KCNQ1OT1: variants seen among roughly 807,000 people sequenced by gnomAD.
KCNQ1OT1 encodes KCNQ1 opposite strand/antisense transcript 1.
chr11:2,661,944 C>A lies in KCNQ1OT1; in HGVS notation n.38051G>T. The A allele has an allele frequency of 3.7e-6, 6 of 1,614,142 alleles. No homozygotes were observed. The highest frequency in any genetic ancestry group is 4.2e-6 in the Non-Finnish European group (5 of 1,180,032). ...GGGTGGGAGGCCTAACGTGCTGTCCCCACACTTTCTCCTCAGTAAGGAAGA... is the reference window on the plus strand; with the variant it reads ...GGGTGGGAGGCCTAACGTGCTGTCCACACACTTTCTCCTCAGTAAGGAAGA... On this transcript the variant is annotated non_coding_transcript_exon_variant, in exon 1 of 1. Transcript: ENST00000597346. This position sits in a 1 kb window ranked among gnomAD's most constrained non-coding sequence, Gnocchi z 5.9.
At chr11:2,639,350 C>T (rs7936778) in exon 1 of KCNQ1OT1, 104,516 of 152,044 alleles carry the variant, frequency 0.69, 36,628 homozygotes, top group East Asian at 0.86. Context: ...GTTTTATCTA[C>T]CTTTGGTCTT....
At chr11:2,635,463 G>C (rs956320813) in exon 1 of KCNQ1OT1, 1 of 152,122 alleles carries the variant, frequency 6.6e-6, no homozygotes, top group African/African-American at 2.4e-5. Flanking sequence ...TCTTGTTTCT[G>C]TCAGCTTTGT....
chr11:2,698,657 A>G lies in KCNQ1OT1; in HGVS notation n.1338T>C, dbSNP rs968461950. The G allele has an allele frequency of 5.0e-6, 2 of 398,202 alleles. No individual in the cohort carries two copies. Among genetic ancestry groups the G allele is most frequent in the Non-Finnish European group, 8.8e-6 (2 of 226,030 alleles). The allele number at this position is 398,202 out of a possible 1,614,324, so 24.7% of individuals were successfully genotyped here. On this transcript the variant is annotated non_coding_transcript_exon_variant, in exon 1 of 1. Transcript: ENST00000597346. The surrounding 1 kb of genome is among the most constrained non-coding windows in gnomAD (Gnocchi z 5.1). ...CCTCTAACCCCAATCCCAATCTCTT[A>G]ACTCAGAGCCCCCCATTCAGAACCT... is the stretch of plus-strand genomic sequence containing the variant.
At chr11:2,650,738 G>A in exon 1 of KCNQ1OT1, 1 of 398,612 alleles carries the variant, frequency 2.5e-6, no homozygotes, top group East Asian at 3.6e-5. Flanking sequence ...ATTGGAATTT[G>A]GCTCACTTTG....
chr11:2,665,594 C>G (rs993409294), exon 1 of KCNQ1OT1: 7 of 396,680 alleles, frequency 1.8e-5, no homozygotes, highest in South Asian at 2.6e-4. Context: ...GCTCAGTAAA[C>G]CCCCCAGGAC....
exon 1 of KCNQ1OT1, chr11:2,618,309 A>G (rs1202236334): frequency 5.0e-6 from 2 of 398,276 alleles, no homozygotes; most frequent in Non-Finnish European, 8.8e-6. Context: ...CTGATGGGCT[A>G]AAAAAATGCA....
chr11:2,611,012 TTGTC>T lies in KCNQ1OT1; in HGVS notation n.88979_88982del, dbSNP rs1204824494. 3 of 398,370 alleles carry T rather than the reference TTGTC, an allele frequency of 7.5e-6. No individual in the cohort carries two copies. The highest frequency in any genetic ancestry group is 6.2e-5 in the African/African-American group (3 of 48,610). 24.7% of individuals were successfully genotyped at this position (398,370 alleles called of 1,614,324 possible). A position where few individuals can be genotyped will look rare whatever the true frequency, so the allele number is the denominator to read the frequency against. On this transcript the variant is annotated non_coding_transcript_exon_variant, in exon 1 of 1. Coordinates refer to ENST00000597346, the Ensembl canonical transcript of KCNQ1OT1. The surrounding 1 kb of genome is among the most constrained non-coding windows in gnomAD (Gnocchi z 5.3). ...TGTTGAGTTGTCTATTATTGTTCAGTTGTCTGTTTCTCTCTTCATTTCTGACAGT... is the reference window on the plus strand; with the variant it reads ...TGTTGAGTTGTCTATTATTGTTCAGTTGTTTCTCTCTTCATTTCTGACAGT...
chr11:2,611,436 T>C lies in KCNQ1OT1; in HGVS notation n.88559A>G, dbSNP rs1489933214. 1 of 397,798 alleles carries C rather than the reference T, an allele frequency of 2.5e-6. No homozygotes were observed. Among genetic ancestry groups the C allele is most frequent in the Non-Finnish European group, 4.4e-6 (1 of 226,078 alleles). The allele number at this position is 397,798 out of a possible 1,614,324, so 24.6% of individuals were successfully genotyped here. A position where few individuals can be genotyped will look rare whatever the true frequency, so the allele number is the denominator to read the frequency against. On this transcript the variant is annotated non_coding_transcript_exon_variant, in exon 1 of 1. Coordinates refer to ENST00000597346, the Ensembl canonical transcript of KCNQ1OT1. The surrounding 1 kb of genome is among the most constrained non-coding windows in gnomAD (Gnocchi z 5.3). ...CATGTTGACCAGGCTGGTCTTGAACTCCTGACCTCGAGTGATCTGTCTGCC... is the reference window on the plus strand; with the variant it reads ...CATGTTGACCAGGCTGGTCTTGAACCCCTGACCTCGAGTGATCTGTCTGCC...
exon 1 of KCNQ1OT1, chr11:2,609,152 G>A: frequency 2.5e-6 from 1 of 398,108 alleles, no homozygotes; most frequent in East Asian, 3.6e-5. Flanking sequence ...TTTTGATATA[G>A]GCATTCATAG....
At chr11:2,629,905 GTATT>G in exon 1 of KCNQ1OT1, 2 of 398,280 alleles carry the variant, frequency 5.0e-6, no homozygotes, top group Non-Finnish European at 8.9e-6. Flanking sequence ...TGATTTGAGT[GTATT>G]TATTTATTTT....
At chr11:2,619,189 T>G in exon 1 of KCNQ1OT1, 1 of 398,360 alleles carries the variant, frequency 2.5e-6, no homozygotes, top group East Asian at 3.6e-5. Flanking sequence ...TCTGTTTGGT[T>G]GTACTAGTAC....
At chr11:2,640,399 C>G (rs553497284) in exon 1 of KCNQ1OT1, 4 of 398,664 alleles carry the variant, frequency 1.0e-5, no homozygotes, top group Admixed American at 8.8e-5. Flanking sequence ...CATTCTCCAT[C>G]CTTGACCCCT....
Position 2,612,685 on chromosome 11 carries a change from A to G in KCNQ1OT1, n.87310T>C. 1 of 398,562 alleles carries G rather than the reference A, an allele frequency of 2.5e-6. No individual in the cohort carries two copies. The highest frequency in any genetic ancestry group is 4.4e-6 in the Non-Finnish European group (1 of 226,052). The allele number at this position is 398,562 out of a possible 1,614,324, so 24.7% of individuals were successfully genotyped here. A position where few individuals can be genotyped will look rare whatever the true frequency, so the allele number is the denominator to read the frequency against. On this transcript the variant is annotated non_coding_transcript_exon_variant, in exon 1 of 1. Transcript: ENST00000597346. This position sits in a 1 kb window ranked among gnomAD's most constrained non-coding sequence, Gnocchi z 5.5. ...TGTGGTTTCTTTTGGTTCTTTGAAC[A>G]TAGTTATAATACTTACTTTGAAATC...
At position 2,668,431 on chromosome 11, in the gene KCNQ1OT1, C is replaced by A. The variant is rs1027937975; in HGVS notation, n.31564G>T. The A allele has an allele frequency of 3.3e-5, 13 of 398,520 alleles. No individual in the cohort carries two copies. The highest frequency in any genetic ancestry group is 2.7e-4 in the African/African-American group (13 of 48,640). The allele number at this position is 398,520 out of a possible 1,614,324, so 24.7% of individuals were successfully genotyped here. ...AATTTTCATTCCCACAGGCAGCATT[C>A]TGGCTGCTCCACATCCTAACACTTG... On this transcript the variant is annotated non_coding_transcript_exon_variant, in exon 1 of 1. Coordinates refer to ENST00000597346, the Ensembl canonical transcript of KCNQ1OT1. This position sits in a 1 kb window ranked among gnomAD's most constrained non-coding sequence, Gnocchi z 4.3.
At chr11:2,684,955 A>G in exon 1 of KCNQ1OT1, 1 of 398,674 alleles carries the variant, frequency 2.5e-6, no homozygotes, top group Non-Finnish European at 4.4e-6. Flanking sequence ...TGTACCTGGT[A>G]AGGAGTGAAA....
rs543612828 is a variant in KCNQ1OT1 at position 2,652,056 on chromosome 11, G to A, written n.47939C>T. On this transcript the variant is annotated non_coding_transcript_exon_variant, in exon 1 of 1. Coordinates refer to ENST00000597346, the Ensembl canonical transcript of KCNQ1OT1. The surrounding 1 kb of genome is among the most constrained non-coding windows in gnomAD (Gnocchi z 5.9). ...TCTGGGGTGGCTCTGACTGTGTCCAGGCTCCAATTTGAGAAGCTATGGGGA... is the reference window on the plus strand; with the variant it reads ...TCTGGGGTGGCTCTGACTGTGTCCAAGCTCCAATTTGAGAAGCTATGGGGA... 8.3e-5 allele frequency: 33 copies of A among 398,686 alleles called. 1 individual carries two copies. The highest frequency in any genetic ancestry group is 4.1e-4 in the African/African-American group (20 of 48,748). 24.7% of individuals were successfully genotyped at this position (398,686 alleles called of 1,614,324 possible). A position where few individuals can be genotyped will look rare whatever the true frequency, so the allele number is the denominator to read the frequency against.
At chr11:2,693,590 G>A (rs1850624681) in exon 1 of KCNQ1OT1, 1 of 398,544 alleles carries the variant, frequency 2.5e-6, no homozygotes, top group South Asian at 1.3e-4. Context: ...CCATAAATGA[G>A]GCCACATTTA....
At position 2,652,032 on chromosome 11, in the gene KCNQ1OT1, C is replaced by G. The variant is rs1207699134; in HGVS notation, n.47963G>C. 3 of 398,556 alleles carry G rather than the reference C, an allele frequency of 7.5e-6. No homozygotes were observed. The highest frequency in any genetic ancestry group is 4.4e-5 in the Admixed American group (1 of 22,726). 24.7% of individuals were successfully genotyped at this position (398,556 alleles called of 1,614,324 possible). On this transcript the variant is annotated non_coding_transcript_exon_variant, in exon 1 of 1. Coordinates refer to ENST00000597346, the Ensembl canonical transcript of KCNQ1OT1. The surrounding 1 kb of genome is among the most constrained non-coding windows in gnomAD (Gnocchi z 5.9). ...TTTGATGTTGAGCCTCCCCCCAGTT[C>G]TGGGGTGGCTCTGACTGTGTCCAGG...
chr11:2,636,707 G>T (rs960885373), exon 1 of KCNQ1OT1: 2 of 152,218 alleles, frequency 1.3e-5, no homozygotes, highest in Non-Finnish European at 2.9e-5. Context: ...CATAAAATGA[G>T]TTAGGGAGGA....
Sources: allele counts gnomAD v4.1 joint callset, GRCh38; gene constraint gnomAD v4.1.1; non-coding constraint Gnocchi (gnomAD v3.1); transcripts MANE v1.5; gene names NCBI Gene and HGNC (gene_info 2026-07-23, HGNC 2026-07-21).